Variants in PRR5L observed in about 807,000 individuals in gnomAD.
PRR5L encodes proline rich 5 like.
PRR5L carries 21 observed loss-of-function variants against 36.4 expected under a neutral mutation model. The ratio of observed to expected loss-of-function variants is 0.58; its 90% CI spans 0.41 to 0.83. PRR5L has a LOEUF of 0.83. Ranked by LOEUF, PRR5L falls within the 40% of genes least tolerant of loss-of-function variation. PRR5L has a pLI of 0.00. For missense variants in PRR5L, 381 were observed against 473.3 expected, an observed-to-expected ratio of 0.80 and a Z score of 1.81; for synonymous variants, 188 against 197.0, an observed-to-expected ratio of 0.95 and a Z score of 0.38.
At chr11:36,400,898 T>G in intron 1 of PRR5L, 99 bp from the exon 2 acceptor site, 2 of 938,532 alleles carry the variant, frequency 2.1e-6, no homozygotes, top group Non-Finnish European at 2.9e-6. Context: ...GGTCCCGCAG[T>G]TGTTTTCGGG....
At chr11:36,434,025 G>A (rs1858555491) in intron 5 of PRR5L, among the ~76,000 whole-genome samples, 1 of 152,228 alleles carries the variant, frequency 6.6e-6, no homozygotes, top group Admixed American at 6.5e-5. Flanking sequence ...TAAAACCAGA[G>A]GTTCAAGTGC....
At chr11:36,418,929 G>T (rs1858206000) in intron 3 of PRR5L, among the ~76,000 whole-genome samples, 1 of 152,172 alleles carries the variant, frequency 6.6e-6, no homozygotes, top group South Asian at 2.1e-4. Flanking sequence ...GCAAAATGAT[G>T]ATCTTTCTCT....
At chr11:36,406,552 C>T (rs1857916499) in intron 3 of PRR5L, among the ~76,000 whole-genome samples, 1 of 152,190 alleles carries the variant, frequency 6.6e-6, no homozygotes, top group Non-Finnish European at 1.5e-5. Context: ...TCAGCAAGTG[C>T]CTGTGTGGAG....
chr11:36,423,728 C>T (rs115159658), intron 4 of PRR5L, among the ~76,000 whole-genome samples: 1,682 of 152,166 alleles, frequency 0.011, 17 homozygotes, highest in African/African-American at 0.037. Flanking sequence ...ACAAGTGGAG[C>T]GGGGATCTGG....
In PRR5L at chr11:36,412,971, G is replaced by A. The variant is rs543502704; in HGVS notation, c.246-6284G>A. Among the ~76,000 whole-genome samples, 243 of 152,250 alleles carry A rather than the reference G, an allele frequency of 1.6e-3. 1 individual carries two copies. Among genetic ancestry groups the A allele is most frequent in the African/African-American group, 5.6e-3 (233 of 41,550 alleles). On this transcript the variant is annotated intron_variant, in intron 3 of 8. Coordinates refer to ENST00000530639, the MANE Select transcript of PRR5L (RefSeq NM_001160167.2). ...TTCCTCTTTTTTTGGTGGGGGGAAG[G>A]TAGCTTTTAAGTGAGGAAGCGTCTG...
At chr11:36,350,800 C>T (rs1856922265) in intron 1 of PRR5L, among the ~76,000 whole-genome samples, 1 of 149,902 alleles carries the variant, frequency 6.7e-6, no homozygotes, top group African/African-American at 2.5e-5. Context: ...TTTGGTTTTC[C>T]ATTCTTGAGT....
At chr11:36,396,782 T>C (rs1282228139) in intron 1 of PRR5L, among the ~76,000 whole-genome samples, 1 of 152,220 alleles carries the variant, frequency 6.6e-6, no homozygotes, top group Non-Finnish European at 1.5e-5. Context: ...CTAAGGCAGC[T>C]GTTCTTTCTC....
At chr11:36,395,285 T>C (rs1285626001) in intron 1 of PRR5L, among the ~76,000 whole-genome samples, 1 of 152,220 alleles carries the variant, frequency 6.6e-6, no homozygotes, top group African/African-American at 2.4e-5. Flanking sequence ...TAGATCAATA[T>C]GTAGTGATAT....
chr11:36,376,426 G>A, intron 1 of PRR5L: 5 of 1,149,512 alleles, frequency 4.3e-6, no homozygotes, highest in Non-Finnish European at 5.4e-6. Flanking sequence ...CCGGCTGTGG[G>A]AGCTCCGCGG....
At chr11:36,315,582 T>C (rs1211899167) in intron 1 of PRR5L, among the ~76,000 whole-genome samples, 2 of 152,230 alleles carry the variant, frequency 1.3e-5, no homozygotes, top group Non-Finnish European at 2.9e-5. Context: ...TAATTTCCTT[T>C]CATCAGTGAC....
At chr11:36,446,518 A>G in intron 7 of PRR5L, 78 bp downstream of exon 7, 2 of 1,563,974 alleles carry the variant, frequency 1.3e-6, no homozygotes, top group Non-Finnish European at 8.7e-7. Context: ...GATGAGGGGG[A>G]AGGAACCTAG....
At chr11:36,394,565 TC>T in intron 1 of PRR5L, 1 of 152,346 alleles carries the variant, frequency 6.6e-6, no homozygotes, top group Non-Finnish European at 1.5e-5. Context: ...AGGGCTGTAT[TC>T]CCTCTAGGGG....
At chr11:36,406,823 A>G (rs747322331) in intron 3 of PRR5L, among the ~76,000 whole-genome samples, 2 of 152,182 alleles carry the variant, frequency 1.3e-5, no homozygotes, top group African/African-American at 2.4e-5. Flanking sequence ...GTTATATGCA[A>G]GAGGGTTTGT....
chr11:36,375,951 C>A lies in PRR5L; in HGVS notation c.-125-25046C>A, dbSNP rs565050957. ...CACTCCTCTCTTCAGCTCCGCCCTGCTCCTTTTTAAGTGAGCCCCAGAATC... is the reference window on the plus strand; with the variant it reads ...CACTCCTCTCTTCAGCTCCGCCCTGATCCTTTTTAAGTGAGCCCCAGAATC... On this transcript the variant is annotated intron_variant, in intron 1 of 8. Coordinates refer to ENST00000530639, the MANE Select transcript of PRR5L (RefSeq NM_001160167.2). The A allele has an allele frequency of 1.6e-5, 6 of 373,824 alleles. No individual in the cohort carries two copies. In the East Asian group the frequency reaches 2.9e-4, roughly 18 times the overall value. 23.2% of individuals were successfully genotyped at this position (373,824 alleles called of 1,614,324 possible). A position where few individuals can be genotyped will look rare whatever the true frequency, so the allele number is the denominator to read the frequency against.
At chr11:36,372,136 C>T (rs944106391) in intron 1 of PRR5L, among the ~76,000 whole-genome samples, 18 of 152,138 alleles carry the variant, frequency 1.2e-4, no homozygotes, top group African/African-American at 4.3e-4. Flanking sequence ...CATTATTATT[C>T]AGAGATGGAA....
At chr11:36,412,115 G>A (rs1027700436) in intron 3 of PRR5L, among the ~76,000 whole-genome samples, 2 of 152,178 alleles carry the variant, frequency 1.3e-5, no homozygotes, top group East Asian at 1.9e-4. Context: ...GAATTTTCCC[G>A]GGTCATTGCT....
chr11:36,297,324 G>A (rs1450691909), intron 1 of PRR5L: 1 of 152,188 alleles, frequency 6.6e-6, no homozygotes, highest in Admixed American at 6.5e-5. Flanking sequence ...ACAGCTTAAG[G>A]AATTTTTTCG....
intron 6 of PRR5L, among the ~76,000 whole-genome samples, chr11:36,445,779 C>T (rs1026246454): frequency 6.6e-6 from 1 of 152,178 alleles, no homozygotes; most frequent in African/African-American, 2.4e-5. Context: ...ATTATTTTCA[C>T]CTTCTGCTCC....
At chr11:36,409,910 G>C (rs1034208750) in intron 3 of PRR5L, among the ~76,000 whole-genome samples, 1 of 152,200 alleles carries the variant, frequency 6.6e-6, no homozygotes, top group African/African-American at 2.4e-5. Flanking sequence ...CCTCCCACAT[G>C]CTTAAACCCT....
Sources: gnomAD v4.1 joint callset for allele counts (sites outside exome capture counted in the v4.1 genomes callset) on GRCh38, gnomAD v4.1.1 for gene constraint, MANE v1.5 for transcripts, NCBI Gene and HGNC (gene_info 2026-07-23, HGNC 2026-07-21) for gene names.